HCN1: variants seen among roughly 807,000 people sequenced by gnomAD.
HCN1 encodes the protein potassium/sodium hyperpolarization-activated cyclic nucleotide-gated channel 1.
Under a neutral mutation model 78.9 loss-of-function variants are expected in HCN1, and 13 were observed. The observed-to-expected ratio is 0.16, with a 90% CI of 0.11 to 0.26. The LOEUF (loss-of-function observed/expected upper bound fraction) is 0.26. HCN1 is among the 10% of genes least tolerant of loss of function. HCN1 has a pLI of 1.00. For missense variants in HCN1, 810 were observed against 1,154.3 expected (o/e 0.70, Z 4.32); for synonymous variants, 552 against 455.5 (o/e 1.21, Z -2.70).
At chr5:45,485,317 C>A (rs1215379321) in intron 2 of HCN1, among the ~76,000 whole-genome samples, 6 of 152,180 alleles carry the variant, frequency 3.9e-5, no homozygotes, top group African/African-American at 1.4e-4. Context: ...CACTGTTAAA[C>A]TTTGCATGTA....
chr5:45,687,109 C>T (rs1169184188), intron 1 of HCN1, among the ~76,000 whole-genome samples: 2 of 152,086 alleles, frequency 1.3e-5, no homozygotes, highest in African/African-American at 2.4e-5. Flanking sequence ...TTTGTTACAT[C>T]GTCATTTACC....
chr5:45,629,995 T>TA (rs1251505969), intron 2 of HCN1, among the ~76,000 whole-genome samples: 1 of 152,080 alleles, frequency 6.6e-6, no homozygotes, highest in Admixed American at 6.6e-5. Flanking sequence ...TTATAGTTGA[T>TA]ATACCCCAGA....
chr5:45,293,691 A>G (rs1745426193), intron 6 of HCN1, among the ~76,000 whole-genome samples: 1 of 151,900 alleles, frequency 6.6e-6, no homozygotes, highest in Non-Finnish European at 1.5e-5. Flanking sequence ...GTTCATCCTA[A>G]TTTTCCTAAG....
chr5:45,300,886 G>T (rs1486396037), intron 6 of HCN1, among the ~76,000 whole-genome samples: 1 of 151,992 alleles, frequency 6.6e-6, no homozygotes, highest in East Asian at 1.9e-4. Context: ...CATACAAAAG[G>T]CTAAGGGGCC....
chr5:45,465,755 G>GA (rs202183213), intron 2 of HCN1, among the ~76,000 whole-genome samples: 18 of 148,464 alleles, frequency 1.2e-4, no homozygotes, highest in South Asian at 6.4e-4. Flanking sequence ...ACTTTGATGT[G>GA]AAAAAAAAAA....
chr5:45,429,802 CAGA>C (rs980738876), intron 3 of HCN1, among the ~76,000 whole-genome samples: 1 of 152,026 alleles, frequency 6.6e-6, no homozygotes, highest in African/African-American at 2.4e-5. Flanking sequence ...AGAAAAATAG[CAGA>C]AGTAGTAGTG....
chr5:45,262,552 G>C lies in HCN1; in HGVS notation c.2042C>G (p.Pro681Arg), dbSNP rs1439561079. 6.2e-7 allele frequency: 1 copy of C among 1,613,914 alleles called. No homozygotes were observed. Among genetic ancestry groups the C allele is most frequent in the South Asian group, 1.1e-5 (1 of 91,070 alleles). Residue 681 changes from proline (P) to arginine (R), a missense_variant, in exon 8 of 8, where the codon CCC (proline) becomes CGC (arginine). This residue lies in a region of HCN1 where 398 missense variants were observed against 381.3 expected (regional missense o/e 1.04). Transcript: ENST00000303230. ...TSLSHSNLHS[P>R]SPSTQTPQPS... ...CTGGGGGGTCTGTGTGCTGGGACTG[G>C]GGGAGTGCAGGTTGCTGTGAGACAG...
intron 2 of HCN1, chr5:45,558,552 G>T (rs545720417): frequency 6.6e-6 from 1 of 152,208 alleles, no homozygotes; most frequent in East Asian, 1.9e-4. Flanking sequence ...AACTTTGATA[G>T]GTAGAGAGAA....
chr5:45,696,135 G>T lies in HCN1; in HGVS notation c.-42C>A. 7.9e-7 allele frequency: 1 copy of T among 1,260,132 alleles called. No individual in the cohort carries two copies. Among genetic ancestry groups the T allele is most frequent in the Non-Finnish European group, 1.0e-6 (1 of 988,670 alleles). The allele number at this position is 1,260,132 out of a possible 1,614,324, so 78.1% of individuals were successfully genotyped here. ...CGGCGACGGCGCGGGCTCCAGACTCGCCGGCCGCCCGGCGCCGGAGACACG... is the reference window on the plus strand; with the variant it reads ...CGGCGACGGCGCGGGCTCCAGACTCTCCGGCCGCCCGGCGCCGGAGACACG... On this transcript the variant is annotated 5_prime_UTR_variant, in exon 1 of 8. Transcript: ENST00000303230.
intron 3 of HCN1, among the ~76,000 whole-genome samples, chr5:45,404,997 C>T (rs928715906): frequency 3.3e-5 from 5 of 152,058 alleles, no homozygotes; most frequent in Admixed American, 2.0e-4. Context: ...ATATGGCACT[C>T]AGAGACTCTG....
intron 2 of HCN1, chr5:45,557,906 T>A (rs986424285): frequency 6.6e-6 from 1 of 152,006 alleles, no homozygotes; most frequent in Non-Finnish European, 1.5e-5. Context: ...ATTAGGTCAA[T>A]TAATTACTCC....
chr5:45,634,147 A>G (rs935573166), intron 2 of HCN1, among the ~76,000 whole-genome samples: 2 of 151,908 alleles, frequency 1.3e-5, no homozygotes, highest in African/African-American at 4.8e-5. Flanking sequence ...CTGCCAGTCA[A>G]TCTAAACTTA....
At chr5:45,528,012 GT>G (rs1328050069) in intron 2 of HCN1, among the ~76,000 whole-genome samples, 4 of 150,930 alleles carry the variant, frequency 2.7e-5, no homozygotes, top group Non-Finnish European at 5.9e-5. Context: ...AAATCAATAA[GT>G]TTGCTTTAGT....
chr5:45,381,061 C>G (rs905534256), intron 4 of HCN1, among the ~76,000 whole-genome samples: 1 of 152,046 alleles, frequency 6.6e-6, no homozygotes, highest in East Asian at 1.9e-4. Context: ...GGCAACAAAA[C>G]TAGATTTCCT....
intron 3 of HCN1, among the ~76,000 whole-genome samples, chr5:45,430,690 C>T (rs747088183): frequency 1.3e-5 from 2 of 151,956 alleles, no homozygotes; most frequent in Admixed American, 6.6e-5. Context: ...ACTCCATCAT[C>T]GGGCGCTTGT....
rs761784261 is a variant in HCN1, at chr5:45,298,160, T to C, written c.1618+5439A>G. Among the ~76,000 whole-genome samples the C allele has an allele frequency of 5.5e-4, 84 of 152,064 alleles. 1 individual carries two copies. Among genetic ancestry groups the C allele is most frequent in the Admixed American group, 3.1e-3 (47 of 15,234 alleles). Reference sequence around the variant, plus strand: ...AGAGGTGAAGACTTTATGAGTTGACTGGCTCATGAGGGCTCTGCCTTTATG... The same window carrying C: ...AGAGGTGAAGACTTTATGAGTTGACCGGCTCATGAGGGCTCTGCCTTTATG... On this transcript the variant is annotated intron_variant, in intron 6 of 7. Coordinates refer to ENST00000303230, the MANE Select transcript of HCN1 (RefSeq NM_021072.4).
chr5:45,494,180 A>T (rs1367859858), intron 2 of HCN1, among the ~76,000 whole-genome samples: 1 of 152,050 alleles, frequency 6.6e-6, no homozygotes, highest in Non-Finnish European at 1.5e-5. Flanking sequence ...CGCCACACTG[A>T]CTTCCACAAT....
At chr5:45,629,423 T>TGAGACA (rs1370803853) in intron 2 of HCN1, among the ~76,000 whole-genome samples, 3 of 152,154 alleles carry the variant, frequency 2.0e-5, no homozygotes, top group African/African-American at 7.2e-5. Context: ...GAACATTCAC[T>TGAGACA]GAGACAGACC....
At chr5:45,609,114 C>T (rs1744782694) in intron 2 of HCN1, among the ~76,000 whole-genome samples, 1 of 152,040 alleles carries the variant, frequency 6.6e-6, no homozygotes, top group Non-Finnish European at 1.5e-5. Context: ...AACTCTCTCT[C>T]CTCTGCTGAT....
Sources: gnomAD v4.1 joint callset for allele counts (sites outside exome capture counted in the v4.1 genomes callset) on GRCh38, gnomAD v4.1.1 for gene constraint, gnomAD v4.1.1 regional missense constraint, MANE v1.5 for transcripts, NCBI Gene and HGNC (gene_info 2026-07-23, HGNC 2026-07-21) for gene names.